DDX24: variants seen among roughly 807,000 people sequenced by gnomAD.
DDX24 encodes DEAD-box helicase 24, also known as ATP-dependent RNA helicase DDX24.
Under a neutral mutation model 68.9 loss-of-function variants are expected in DDX24, and 24 were observed. That is an observed-to-expected ratio of 0.35 (90% CI 0.25 to 0.49). DDX24 has a LOEUF of 0.49. DDX24 is among the 20% of genes least tolerant of loss of function. The probability of loss-of-function intolerance (pLI) is 0.99; values close to 1 mark genes in which losing one functional copy is unlikely to be tolerated. For synonymous variants in DDX24, 395 were observed against 385.2 expected, an observed-to-expected ratio of 1.03 and a Z score of -0.30; for missense variants, 989 against 1,039.0, an observed-to-expected ratio of 0.95 and a Z score of 0.66.
intron 1 of DDX24, among the ~76,000 whole-genome samples, chr14:94,080,506 G>A (rs1886050186): frequency 1.3e-5 from 2 of 152,102 alleles, no homozygotes; most frequent in African/African-American, 4.8e-5. Context: ...TGGCTCTGCG[G>A]TGGACGTATT....
rs763968440 is a variant in DDX24, at chr14:94,055,010, T to A, written c.2164A>T (p.Met722Leu). Reference sequence around the variant, plus strand: ...CTGCTTTCTACCTTGACCACATCCATGTATTTTGTCTGCACGGGGAACAGT... The same window carrying A: ...CTGCTTTCTACCTTGACCACATCCAAGTATTTTGTCTGCACGGGGAACAGT... Reference protein sequence around the residue: ...IPLFPVQTKYMDVVKERIRLA... With the variant: ...IPLFPVQTKYLDVVKERIRLA... Residue 722 changes from methionine to leucine, a missense_variant, in exon 7 of 9, where the codon ATG becomes TTG. Met to Leu is a conservative substitution (Grantham distance 15). Around this residue, in one of 3 missense-constraint regions of DDX24, gnomAD observed 691 missense variants for 760.0 expected, o/e 0.91. Transcript: ENST00000621632. 15 of 1,614,180 alleles carry A rather than the reference T, an allele frequency of 9.3e-6. No homozygotes were observed. The highest frequency in any genetic ancestry group is 1.1e-5 in the Non-Finnish European group (13 of 1,180,006).
intron 7 of DDX24, among the ~76,000 whole-genome samples, chr14:94,054,271 T>C (rs1885450126): frequency 6.6e-6 from 1 of 152,140 alleles, no homozygotes; most frequent in Non-Finnish European, 1.5e-5. Flanking sequence ...TTTCCATCCT[T>C]ATCTCCACCC....
rs527829221 is a variant in DDX24, at chr14:94,058,221, C to A, written c.1914-324G>T. Among the ~76,000 whole-genome samples the A allele has an allele frequency of 2.3e-4, 35 of 152,100 alleles. No individual in the cohort carries two copies. The South Asian group carries it at 4.2e-3, about 18-fold the overall frequency. ...GGGTCAGTGACTCCTCTCCTAGCACCCTCTCATTTACTTCCTCCCAGTGGC... is the reference window on the plus strand; with the variant it reads ...GGGTCAGTGACTCCTCTCCTAGCACACTCTCATTTACTTCCTCCCAGTGGC... On this transcript the variant is annotated intron_variant, in intron 5 of 8. Transcript: ENST00000621632.
chr14:94,050,980 C>T lies in DDX24; in HGVS notation c.*211G>A. On this transcript the variant is annotated 3_prime_UTR_variant, in exon 9 of 9. Coordinates refer to ENST00000621632, the MANE Select transcript of DDX24 (RefSeq NM_020414.4). ...TTAACACACAAGAAGCCTATAAACACTGCAATACAGAAAAATTAAGCTGCT... is the reference window on the plus strand; with the variant it reads ...TTAACACACAAGAAGCCTATAAACATTGCAATACAGAAAAATTAAGCTGCT... The T allele has an allele frequency of 4.4e-6, 2 of 456,984 alleles. No individual in the cohort carries two copies. Among genetic ancestry groups the T allele is most frequent in the Non-Finnish European group, 7.5e-6 (2 of 266,034 alleles). 28.3% of individuals were successfully genotyped at this position (456,984 alleles called of 1,614,324 possible).
chr14:94,053,925 A>C (rs2141421345), intron 7 of DDX24, among the ~76,000 whole-genome samples: 1 of 152,352 alleles, frequency 6.6e-6, no homozygotes, highest in African/African-American at 2.4e-5. Flanking sequence ...TTCCTGATAA[A>C]AGTCCAGTGG....
intron 2 of DDX24, among the ~76,000 whole-genome samples, chr14:94,062,834 AGGTCTTAGGTCAC>A (rs559594480): frequency 1.1e-3 from 170 of 152,342 alleles, no homozygotes; most frequent in African/African-American, 4.1e-3. Context: ...GCTAGCACTG[AGGTCTTAGGTCAC>A]CAGTAACGAA....
At chr14:94,068,265 G>A (rs1885747985) in intron 2 of DDX24, among the ~76,000 whole-genome samples, 1 of 152,116 alleles carries the variant, frequency 6.6e-6, no homozygotes, top group Non-Finnish European at 1.5e-5. Flanking sequence ...AACAGACAAA[G>A]AGGAACATTA....
intron 1 of DDX24, among the ~76,000 whole-genome samples, chr14:94,079,990 T>C (rs1886031332): frequency 1.3e-5 from 2 of 152,178 alleles, no homozygotes; most frequent in South Asian, 2.1e-4. Context: ...GAATTCCAAA[T>C]CCAACACTTA....
chr14:94,052,091 C>T (rs1210563924), intron 8 of DDX24, among the ~76,000 whole-genome samples: 1 of 152,268 alleles, frequency 6.6e-6, no homozygotes, highest in East Asian at 1.9e-4. Context: ...GTCATCAAGC[C>T]CACTGGTTTG....
At position 94,062,321 on chromosome 14, in the gene DDX24, C is replaced by A; in HGVS notation, c.1019G>T (p.Gly340Val). ...LLFGDDDAGEGPSSLIREKPV... is the reference protein window; with the variant it reads ...LLFGDDDAGEVPSSLIREKPV... Reference sequence around the variant, plus strand: ...TTTCTCCCTGATCAGGGAAGAAGGCCCTTCACCAGCATCATCGTCACCAAA... The same window carrying A: ...TTTCTCCCTGATCAGGGAAGAAGGCACTTCACCAGCATCATCGTCACCAAA... Residue 340 changes from glycine (G) to valine (V), a missense_variant, in exon 3 of 9, where the codon GGG (glycine) becomes GTG (valine). Physicochemically the swap from Gly to Val is moderately radical, Grantham distance 109 (BLOSUM62 -3). This residue lies in a region of DDX24 where 691 missense variants were observed against 760.0 expected (regional missense o/e 0.91). Coordinates refer to ENST00000621632, the MANE Select transcript of DDX24 (RefSeq NM_020414.4). 1.2e-6 allele frequency: 2 copies of A among 1,614,174 alleles called. No individual in the cohort carries two copies. The highest frequency in any genetic ancestry group is 1.7e-6 in the Non-Finnish European group (2 of 1,180,040).
chr14:94,079,219 T>C lies in DDX24; in HGVS notation c.524A>G (p.Lys175Arg), dbSNP rs911293130. 2.5e-6 allele frequency: 4 copies of C among 1,614,120 alleles called. No individual in the cohort carries two copies. The highest frequency in any genetic ancestry group is 1.3e-5 in the African/African-American group (1 of 74,946). ...TTCAGGAATCCATGTCTTCGCTTTT[T>C]TGGGCACCTTGGCAGCAGTGCTCTG... ...PSQSTAAKVP[K>R]KAKTWIPEVH... Residue 175 changes from lysine to arginine, a missense_variant, in exon 2 of 9, where the codon AAA becomes AGA. Lys to Arg is a conservative substitution (Grantham distance 26, BLOSUM62 2). This residue lies in a region of DDX24 where 295 missense variants were observed against 263.0 expected (regional missense o/e 1.12). Transcript: ENST00000621632.
At chr14:94,052,711 C>T (rs779148926) in intron 8 of DDX24, among the ~76,000 whole-genome samples, 19 of 152,256 alleles carry the variant, frequency 1.2e-4, no homozygotes, top group African/African-American at 4.3e-4. Context: ...GGCAATGAGC[C>T]GGCATTCTAA....
At chr14:94,077,303 T>G (rs1354507965) in intron 2 of DDX24, among the ~76,000 whole-genome samples, 1 of 152,212 alleles carries the variant, frequency 6.6e-6, no homozygotes, top group Non-Finnish European at 1.5e-5. Context: ...ATCCAAGTCG[T>G]TTTGAATTCT....
At position 94,060,910 on chromosome 14, in the gene DDX24, T is replaced by C; in HGVS notation, c.1397+3A>G. On this transcript the variant is annotated splice_donor_region_variant and intron_variant, in intron 4 of 8. Coordinates refer to ENST00000621632, the MANE Select transcript of DDX24 (RefSeq NM_020414.4). ...GGGGGAAAAGAGAAGTGCCATCTAT[T>C]ACCTGAGCTGCCGAAGGTTCCTCAA... 2 of 1,614,104 alleles carry C rather than the reference T, an allele frequency of 1.2e-6. No homozygotes were observed. The highest frequency in any genetic ancestry group is 1.7e-6 in the Non-Finnish European group (2 of 1,179,968).
Position 94,055,131 on chromosome 14 carries a change from AGCTCGAGCAGTTCGACCACTTC to A in DDX24, c.2021_2042del (p.Arg674LeufsTer8). ...GCATCAGACTGAGGCCTTCATTGGTAGCTCGAGCAGTTCGACCACTTCGGTGGACATAAATCTCCGAGGTACG... is the reference window on the plus strand; with the variant it reads ...GCATCAGACTGAGGCCTTCATTGGTAGGTGGACATAAATCTCCGAGGTACG... On this transcript the variant is annotated frameshift_variant, in exon 7 of 9. Transcript: ENST00000621632. LOFTEE classifies it high-confidence loss of function. 1 of 1,614,194 alleles carries A rather than the reference AGCTCGAGCAGTTCGACCACTTC, an allele frequency of 6.2e-7. No individual in the cohort carries two copies. Among genetic ancestry groups the A allele is most frequent in the Non-Finnish European group, 8.5e-7 (1 of 1,180,016 alleles).
At chr14:94,053,882 G>A (rs77124857) in intron 7 of DDX24, among the ~76,000 whole-genome samples, 12,143 of 152,254 alleles carry the variant, frequency 0.08, 519 homozygotes, top group Middle Eastern at 0.19. Flanking sequence ...GTGGTGAGAT[G>A]CAGTTCAGTT....
At chr14:94,062,766 T>C in intron 2 of DDX24, 145 bp from the exon 3 acceptor site, 1 of 1,018,564 alleles carries the variant, frequency 9.8e-7, no homozygotes, top group Non-Finnish European at 1.4e-6. Context: ...CTACACAGAT[T>C]TCCCCAGAAG....
At chr14:94,051,752 C>T (rs184252887) in intron 8 of DDX24, 11 of 333,274 alleles carry the variant, frequency 3.3e-5, no homozygotes, top group Non-Finnish European at 5.9e-5. Flanking sequence ...AGTCACCTGG[C>T]TCACATCACA....
In DDX24 at chr14:94,060,103, C is replaced by T. The variant is rs1885563725; in HGVS notation, c.1908G>A (p.Leu636=). 8.7e-6 allele frequency: 14 copies of T among 1,611,520 alleles called. No individual in the cohort carries two copies. Among genetic ancestry groups the T allele is most frequent in the Non-Finnish European group, 1.2e-5 (14 of 1,178,190 alleles). Reference sequence around the variant, plus strand: ...TGGGGACAGTCCTAACTTACTCTTCCAGACGGGCAAACTGCTCCAGGTTTC... The same window carrying T: ...TGGGGACAGTCCTAACTTACTCTTCTAGACGGGCAAACTGCTCCAGGTTTC... The part of the protein sequence containing the change: ...RLRNLEQFAR[L]EDCVLLATDV... Residue 636 remains leucine, a synonymous_variant, in exon 5 of 9, where the codon CTG becomes CTA. Transcript: ENST00000621632.
Sources: allele counts gnomAD v4.1 joint callset (sites outside exome capture counted in the v4.1 genomes callset), GRCh38; gene constraint gnomAD v4.1.1; regional missense constraint gnomAD v4.1.1; transcripts MANE v1.5; gene names NCBI Gene and HGNC (gene_info 2026-07-23, HGNC 2026-07-21).